The following SLC43A2 variants were observed in gnomAD, a reference collection of about 807,000 sequenced individuals.
The protein encoded by SLC43A2 is solute carrier family 43 member 2, also known as large neutral amino acids transporter small subunit 4.
In SLC43A2, 38 loss-of-function variants were observed where a neutral mutation model predicts 63.2. That is an observed-to-expected ratio of 0.60 (90% CI 0.46 to 0.79). The LOEUF is 0.79. Among genes scored for constraint, SLC43A2 ranks in the 30% least tolerant of loss-of-function variants. The pLI is 0.00. For missense variants in SLC43A2, 644 were observed against 756.2 expected (o/e 0.85, Z 1.74); for synonymous variants, 322 against 331.0 (o/e 0.97, Z 0.30).
intron 4 of SLC43A2, among the ~76,000 whole-genome samples, chr17:1,613,975 G>A (rs1907358463): frequency 6.6e-6 from 1 of 152,128 alleles, no homozygotes; most frequent in Non-Finnish European, 1.5e-5. Flanking sequence ...CAGGCGCGGT[G>A]GCTCACGCCT....
intron 5 of SLC43A2, among the ~76,000 whole-genome samples, chr17:1,594,439 C>A (rs1421461093): frequency 6.6e-6 from 1 of 152,202 alleles, no homozygotes; most frequent in Non-Finnish European, 1.5e-5. Context: ...TTCCTGTCCA[C>A]ACCCAGCGTC....
rs1308260191 is a variant in SLC43A2, at chr17:1,597,494, G to C, written c.502-4215C>G. On this transcript the variant is annotated intron_variant, in intron 5 of 13. Transcript: ENST00000301335. The stretch of plus-strand genomic sequence containing the variant: ...CACTCCAGCCTGGGCGACAGAGCAA[G>C]ACTCAAAAAAAAAAAAGAAATGAGG... 7.0e-5 allele frequency among the ~76,000 whole-genome samples: 6 copies of C among 85,928 alleles called. No individual in the cohort carries two copies. The Admixed American group carries it at 9.0e-4, about 13-fold the overall frequency. 56.4% of individuals were successfully genotyped at this position (85,928 alleles called of 152,430 possible).
At chr17:1,628,516 C>T (rs1387817302) in intron 1 of SLC43A2, among the ~76,000 whole-genome samples, 1 of 152,032 alleles carries the variant, frequency 6.6e-6, no homozygotes, top group Non-Finnish European at 1.5e-5. Flanking sequence ...GCCACGCGAA[C>T]CCAGCGTGGG....
intron 5 of SLC43A2, among the ~76,000 whole-genome samples, chr17:1,599,759 ATTT>A (rs1905725768): frequency 6.6e-6 from 1 of 151,054 alleles, no homozygotes; most frequent in Non-Finnish European, 1.5e-5. Context: ...TTAAAAAATT[ATTT>A]GGCCAGGCGC....
intron 5 of SLC43A2, among the ~76,000 whole-genome samples, chr17:1,597,225 CT>C (rs950257179): frequency 4.7e-4 from 70 of 150,386 alleles, no homozygotes; most frequent in African/African-American, 1.7e-3. Context: ...AAAAAAGAGG[CT>C]GGGCACGGTG....
At chr17:1,621,671 C>T (rs1908173689) in intron 2 of SLC43A2, among the ~76,000 whole-genome samples, 1 of 152,188 alleles carries the variant, frequency 6.6e-6, no homozygotes, top group Non-Finnish European at 1.5e-5. Flanking sequence ...GGTGTGCCCA[C>T]GCCCACCCCA....
In SLC43A2 at chr17:1,593,149, C is replaced by T; in HGVS notation, c.594+38G>A. 1 of 1,582,548 alleles carries T rather than the reference C, an allele frequency of 6.3e-7. No individual in the cohort carries two copies. The highest frequency in any genetic ancestry group is 8.7e-7 in the Non-Finnish European group (1 of 1,155,748). Reference sequence around the variant, plus strand: ...GAGGGTGGAAGGAGCCTGGAGCAGGCCTCTGCACAGACACCAGTGCAAAAT... The same window carrying T: ...GAGGGTGGAAGGAGCCTGGAGCAGGTCTCTGCACAGACACCAGTGCAAAAT... On this transcript the variant is annotated intron_variant, in intron 6 of 13. Coordinates refer to ENST00000301335, the MANE Select transcript of SLC43A2 (RefSeq NM_152346.3). This position sits in a 1 kb window ranked among gnomAD's most constrained non-coding sequence, Gnocchi z 5.3.
chr17:1,618,151 G>A (rs1907848308), intron 2 of SLC43A2, among the ~76,000 whole-genome samples: 1 of 152,234 alleles, frequency 6.6e-6, no homozygotes, highest in East Asian at 1.9e-4. Flanking sequence ...GCGCACAGGT[G>A]GACTCGTGCT....
intron 11 of SLC43A2, among the ~76,000 whole-genome samples, chr17:1,581,575 C>T (rs1462981059): frequency 6.6e-6 from 1 of 152,230 alleles, no homozygotes; most frequent in Non-Finnish European, 1.5e-5. Context: ...TTACTTCCCT[C>T]CTGGACTTGA....
rs567676659 is a variant in SLC43A2, at chr17:1,606,502, C to T, written c.501+6693G>A. 7.2e-5 allele frequency among the ~76,000 whole-genome samples: 11 copies of T among 152,328 alleles called. No homozygotes were observed. Among genetic ancestry groups the T allele is most frequent in the South Asian group, 2.1e-4 (1 of 4,826 alleles). On this transcript the variant is annotated intron_variant, in intron 5 of 13. Coordinates refer to ENST00000301335, the MANE Select transcript of SLC43A2 (RefSeq NM_152346.3). This position sits in a 1 kb window ranked among gnomAD's most constrained non-coding sequence, Gnocchi z 4.7. Reference sequence around the variant, plus strand: ...TGCTGAGAAATCCCCATCCCACCCACGGGGACAGGGGTCAGAGTAATGGAG... The same window carrying T: ...TGCTGAGAAATCCCCATCCCACCCATGGGGACAGGGGTCAGAGTAATGGAG...
chr17:1,579,836 T>C (rs2075985348), intron 11 of SLC43A2, among the ~76,000 whole-genome samples: 1 of 151,220 alleles, frequency 6.6e-6, no homozygotes, highest in Non-Finnish European at 1.5e-5. Context: ...AGACCCTGTC[T>C]CAAAAAAAAA....
At chr17:1,582,690 A>G (rs1200965644) in intron 11 of SLC43A2, among the ~76,000 whole-genome samples, 2 of 152,162 alleles carry the variant, frequency 1.3e-5, no homozygotes, top group East Asian at 3.8e-4. Context: ...TGTCCAGCTC[A>G]CCTGCAGCAG....
intron 9 of SLC43A2, among the ~76,000 whole-genome samples, chr17:1,586,762 G>T (rs1388284833): frequency 6.6e-6 from 1 of 152,144 alleles, no homozygotes; most frequent in Non-Finnish European, 1.5e-5. Context: ...CATATTCAAA[G>T]ACTTAAAATG....
intron 5 of SLC43A2, among the ~76,000 whole-genome samples, chr17:1,603,878 A>G (rs1906321151): frequency 6.6e-6 from 1 of 152,222 alleles, no homozygotes; most frequent in Non-Finnish European, 1.5e-5. Flanking sequence ...TTGGGGATTC[A>G]AGCCAGGCCA....
intron 10 of SLC43A2, 174 bp downstream of exon 10, chr17:1,585,739 G>T (rs1445160723): frequency 6.4e-7 from 1 of 1,566,190 alleles, no homozygotes; most frequent in East Asian, 2.3e-5. Context: ...AAAGAGGGGA[G>T]CAGTTGAAAC....
rs1166005211 is a variant in SLC43A2, at chr17:1,574,836, C to T, written c.*768G>A. 1 of 152,558 alleles carries T rather than the reference C, an allele frequency of 6.6e-6. No individual in the cohort carries two copies. 9.5% of individuals were successfully genotyped at this position (152,558 alleles called of 1,614,324 possible). On this transcript the variant is annotated 3_prime_UTR_variant, in exon 14 of 14. Transcript: ENST00000301335. ...TCTGCCGGCCACAGCCTTTCGTCCA[C>T]CTCCACAAAAGCAGCTGTGTGTATG...
chr17:1,583,522 G>T lies in SLC43A2; in HGVS notation c.1218-186C>A. Reference sequence around the variant, plus strand: ...CGGACACTCCCCGGCCCTTCTCAGTGGCAAGCTGAGTGTGACTCTCGGAGG... The same window carrying T: ...CGGACACTCCCCGGCCCTTCTCAGTTGCAAGCTGAGTGTGACTCTCGGAGG... On this transcript the variant is annotated intron_variant, in intron 10 of 13. Transcript: ENST00000301335. This position sits in a 1 kb window ranked among gnomAD's most constrained non-coding sequence, Gnocchi z 5.5. 3 of 956,298 alleles carry T rather than the reference G, an allele frequency of 3.1e-6. No homozygotes were observed. Among genetic ancestry groups the T allele is most frequent in the Non-Finnish European group, 4.5e-6 (3 of 669,892 alleles). 59.2% of individuals were successfully genotyped at this position (956,298 alleles called of 1,614,324 possible).
rs190745010 is a variant in SLC43A2, at chr17:1,582,907, C to T, written c.1350+297G>A. Among the ~76,000 whole-genome samples, 369 of 152,232 alleles carry T rather than the reference C, an allele frequency of 2.4e-3. 1 individual carries two copies. The highest frequency in any genetic ancestry group is 5.8e-3 in the Admixed American group (88 of 15,272). ...TAGCCTGGCCAACATGGCAAAACCC[C>T]ATCTCTACTGAAAATACAAAAATTA... is the stretch of plus-strand genomic sequence containing the variant. On this transcript the variant is annotated intron_variant, in intron 11 of 13. Transcript: ENST00000301335.
At chr17:1,603,626 A>G (rs572314655) in intron 5 of SLC43A2, among the ~76,000 whole-genome samples, 2 of 152,108 alleles carry the variant, frequency 1.3e-5, no homozygotes, top group African/African-American at 2.4e-5. Flanking sequence ...TCTACTAAAA[A>G]TACAAAAAAT....
Sources: allele counts gnomAD v4.1 joint callset (sites outside exome capture counted in the v4.1 genomes callset), GRCh38; gene constraint gnomAD v4.1.1; non-coding constraint Gnocchi (gnomAD v3.1); transcripts MANE v1.5; gene names NCBI Gene and HGNC (gene_info 2026-07-23, HGNC 2026-07-21).